LIFR: variants seen among roughly 807,000 people sequenced by gnomAD.
LIFR encodes leukemia inhibitory factor receptor.
A neutral mutation model predicts 122.2 loss-of-function variants in LIFR; 84 were observed. The ratio of observed to expected loss-of-function variants is 0.69; its 90% CI spans 0.58 to 0.82. LIFR has a LOEUF of 0.82. Ranked by LOEUF, LIFR falls within the 40% of genes least tolerant of loss-of-function variation. The pLI is 0.00. For synonymous variants in LIFR, 422 were observed against 434.7 expected, an observed-to-expected ratio of 0.97 and a Z score of 0.36; for missense variants, 1,294 against 1,311.6, an observed-to-expected ratio of 0.99 and a Z score of 0.21.
chr5:38,510,420 A>G (rs1745733734), intron 7 of LIFR, 44 bp downstream of exon 7: 1 of 1,597,756 alleles, frequency 6.3e-7, no homozygotes. Context: ...AAGGAAGACC[A>G]AAACAGGTTA....
At position 38,493,716 on chromosome 5, in the gene LIFR, T is replaced by G. The variant is rs760838796; in HGVS notation, c.1955A>C (p.Asn652Thr). ...CTTAATGACGTAGTCGCAAGTCATGTTGGGGTCGTAATGCCAGGTGAGGAG... is the reference window on the plus strand; with the variant it reads ...CTTAATGACGTAGTCGCAAGTCATGGTGGGGTCGTAATGCCAGGTGAGGAG... Reference protein sequence around the residue: ...GILLTWHYDPNMTCDYVIKWC... With the variant: ...GILLTWHYDPTMTCDYVIKWC... The change falls in exon 14 of 20, where the codon AAC becomes ACC. Residue 652 changes from asparagine (N) to threonine (T), a missense_variant. Transcript: ENST00000453190. 1 of 1,614,110 alleles carries G rather than the reference T, an allele frequency of 6.2e-7. No homozygotes were observed. Among genetic ancestry groups the G allele is most frequent in the Non-Finnish European group, 8.5e-7 (1 of 1,180,008 alleles).
intron 14 of LIFR, 72 bp downstream of exon 14, chr5:38,493,534 G>A (rs1744710033): frequency 1.4e-6 from 2 of 1,397,932 alleles, no homozygotes; most frequent in South Asian, 1.2e-5. Context: ...TCACTTCACT[G>A]CACCCAGTCT....
chr5:38,607,013 C>T (rs899153048), intron 1 of LIFR, among the ~76,000 whole-genome samples: 1 of 152,218 alleles, frequency 6.6e-6, no homozygotes, highest in Non-Finnish European at 1.5e-5. Flanking sequence ...TTTCCTTCTT[C>T]ACCTTTTCCA....
upstream of LIFR, among the ~76,000 whole-genome samples, chr5:38,595,927 G>C (rs1223407213): frequency 6.6e-6 from 1 of 151,370 alleles, no homozygotes; most frequent in African/African-American, 2.4e-5. Flanking sequence ...CAGTAGAGAC[G>C]GGGTTTCACC....
chr5:38,515,757 A>G (rs191555499), intron 5 of LIFR, among the ~76,000 whole-genome samples: 4 of 152,256 alleles, frequency 2.6e-5, no homozygotes, highest in Admixed American at 2.6e-4. Flanking sequence ...GGTCGTTTCC[A>G]GGGAAAGTCA....
At chr5:38,496,015 C>T (rs1400398203) in intron 13 of LIFR, among the ~76,000 whole-genome samples, 2 of 151,806 alleles carry the variant, frequency 1.3e-5, no homozygotes, top group African/African-American at 2.4e-5. Flanking sequence ...GCAAAACAGC[C>T]TAGCTGACCT....
intron 7 of LIFR, among the ~76,000 whole-genome samples, chr5:38,508,148 G>A (rs1745597289): frequency 2.0e-5 from 3 of 152,078 alleles, no homozygotes; most frequent in Admixed American, 1.3e-4. Context: ...AAAAATTTGA[G>A]AGGACAGTAT....
chr5:38,512,828 A>C (rs1195267533), intron 5 of LIFR, among the ~76,000 whole-genome samples: 1 of 152,160 alleles, frequency 6.6e-6, no homozygotes, highest in Non-Finnish European at 1.5e-5. Context: ...TTTTTCATAG[A>C]GTAGAAGTAA....
chr5:38,600,026 G>A (rs1216609551), upstream of LIFR, among the ~76,000 whole-genome samples: 2 of 152,084 alleles, frequency 1.3e-5, no homozygotes, highest in African/African-American at 2.4e-5. Context: ...TTGCTACCTG[G>A]GGGCTTCATC....
At chr5:38,489,994 CAAAAAAAAAAA>C (rs58235156) in intron 15 of LIFR, among the ~76,000 whole-genome samples, 185 bp downstream of exon 15, 3 of 49,686 alleles carry the variant, frequency 6.0e-5, no homozygotes, top group African/African-American at 7.9e-5. Context: ...GACCCTCTCT[CAAAAAAAAAAA>C]AAAAAAAAAA....
At chr5:38,545,820 C>T (rs1024212119) in intron 1 of LIFR, among the ~76,000 whole-genome samples, 4 of 149,220 alleles carry the variant, frequency 2.7e-5, no homozygotes, top group African/African-American at 9.9e-5. Flanking sequence ...CGAGATCACG[C>T]CACTGCACTC....
At chr5:38,525,764 G>A (rs1458479906) in intron 4 of LIFR, among the ~76,000 whole-genome samples, 1 of 152,216 alleles carries the variant, frequency 6.6e-6, no homozygotes, top group Admixed American at 6.5e-5. Context: ...AGCTCAGGGT[G>A]CCAGTGTGAC....
At chr5:38,603,785 G>T (rs1336518901) in intron 2 of LIFR, among the ~76,000 whole-genome samples, 3 of 152,114 alleles carry the variant, frequency 2.0e-5, no homozygotes, top group African/African-American at 4.8e-5. Context: ...CTATCCAAGG[G>T]TTTTATTACC....
chr5:38,482,453 A>G (rs544206842), intron 19 of LIFR, 136 bp downstream of exon 19: 1 of 617,878 alleles, frequency 1.6e-6, no homozygotes, highest in East Asian at 2.9e-5. Context: ...AATTTTAGAA[A>G]CTGAGATGTT....
chr5:38,537,020 AG>A (rs1747325852), intron 1 of LIFR, among the ~76,000 whole-genome samples: 1 of 152,040 alleles, frequency 6.6e-6, no homozygotes, highest in East Asian at 1.9e-4. Context: ...TGTCTTCCAA[AG>A]TTTTTCTTTT....
chr5:38,598,675 T>C (rs1326870993), upstream of LIFR, among the ~76,000 whole-genome samples: 10 of 152,098 alleles, frequency 6.6e-5, no homozygotes, highest in Non-Finnish European at 1.2e-4. Context: ...TAACTGCTAC[T>C]CCTTCTCAGC....
intron 1 of LIFR, among the ~76,000 whole-genome samples, chr5:38,554,744 A>C (rs982230052): frequency 2.0e-5 from 3 of 152,230 alleles, no homozygotes; most frequent in African/African-American, 7.2e-5. Context: ...GTAGCTGTGG[A>C]ACATGATGGG....
Position 38,482,677 on chromosome 5 carries a change from A to C in LIFR, c.2592-10T>G, listed in dbSNP as rs201900882. On this transcript the variant is annotated splice_polypyrimidine_tract_variant and intron_variant, in intron 18 of 19. Transcript: ENST00000453190. ...GAAGGTTTCTTTAATCCTTTAAATA[A>C]AAAATTATTACAGTAAATTTAATAG... The C allele has an allele frequency of 8.9e-7, 1 of 1,123,958 alleles. No individual in the cohort carries two copies. The highest frequency in any genetic ancestry group is 2.4e-5 in the East Asian group (1 of 41,214). The allele number at this position is 1,123,958 out of a possible 1,614,324, so 69.6% of individuals were successfully genotyped here. A position where few individuals can be genotyped will look rare whatever the true frequency, so the allele number is the denominator to read the frequency against.
intron 1 of LIFR, among the ~76,000 whole-genome samples, chr5:38,548,599 C>A (rs1430230679): frequency 1.3e-5 from 2 of 152,152 alleles, no homozygotes; most frequent in East Asian, 3.9e-4. Flanking sequence ...AGAAAAGGCA[C>A]TCAACAGTGA....
Sources: allele counts gnomAD v4.1 joint callset (sites outside exome capture counted in the v4.1 genomes callset), GRCh38; gene constraint gnomAD v4.1.1; transcripts MANE v1.5; gene names NCBI Gene and HGNC (gene_info 2026-07-23, HGNC 2026-07-21).